KLHL6: variants seen among roughly 807,000 people sequenced by gnomAD.
KLHL6 encodes kelch like family member 6.
KLHL6 carries 41 observed loss-of-function variants against 58.6 expected under a neutral mutation model. The ratio of observed to expected loss-of-function variants is 0.70; its 90% confidence interval spans 0.55 to 0.91. KLHL6 has a LOEUF of 0.91. Among genes scored for constraint, KLHL6 ranks in the 40% least tolerant of loss-of-function variants. The pLI, the probability that KLHL6 is intolerant of heterozygous loss-of-function variation, is 0.00. For synonymous variants in KLHL6, 338 were observed against 322.7 expected (o/e 1.05, Z -0.51); for missense variants, 714 against 805.6 (o/e 0.89, Z 1.38).
intron 3 of KLHL6, among the ~76,000 whole-genome samples, chr3:183,500,954 A>G (rs1717850610): frequency 6.6e-6 from 1 of 152,218 alleles, no homozygotes. Flanking sequence ...TAGTCAGACC[A>G]GCCAACTCCC....
At chr3:183,541,740 C>T (rs1040459383) in intron 1 of KLHL6, among the ~76,000 whole-genome samples, 1 of 152,174 alleles carries the variant, frequency 6.6e-6, no homozygotes, top group Non-Finnish European at 1.5e-5. Flanking sequence ...CAGCAGTGGT[C>T]TCTATCAGAG....
Position 183,492,052 on chromosome 3 carries a change from G to C in KLHL6, c.1741C>G (p.Pro581Ala). The stretch of plus-strand genomic sequence containing the variant: ...TCCTCTGTCAGTTTCTGGGCCTCGG[G>C]GTCCCAGCACAGCACCGTGGCGATA... ...EVIATVLCWD[P>A]EAQKLTEECV... The change falls in exon 7 of 7, where the codon CCC (proline) becomes GCC (alanine). Residue 581 changes from proline to alanine, a missense_variant. By Grantham distance (27) the Pro-to-Ala change is conservative. This residue lies in a region of KLHL6 where 510 missense variants were observed against 629.7 expected (regional missense o/e 0.81). Transcript: ENST00000341319. The surrounding 1 kb of genome is among the most constrained non-coding windows in gnomAD (Gnocchi z 5.9). 1 of 1,613,986 alleles carries C rather than the reference G, an allele frequency of 6.2e-7. No homozygotes were observed. The highest frequency in any genetic ancestry group is 2.2e-5 in the East Asian group (1 of 44,878).
Position 183,492,941 on chromosome 3 carries a change from C to T in KLHL6, c.1351-234G>A, listed in dbSNP as rs1247287608. 9.7e-6 allele frequency: 5 copies of T among 517,270 alleles called. No homozygotes were observed. The highest frequency in any genetic ancestry group is 3.3e-5 in the Admixed American group (1 of 30,498). 32.0% of individuals were successfully genotyped at this position (517,270 alleles called of 1,614,324 possible). On this transcript the variant is annotated intron_variant, in intron 5 of 6. Transcript: ENST00000341319. The surrounding 1 kb of genome is among the most constrained non-coding windows in gnomAD (Gnocchi z 5.9). ...GAGCAAGCTGTGTGTTGGGATGTGCCAGCCTCTCCCGGAATCCAGCTCTCA... is the reference window on the plus strand; with the variant it reads ...GAGCAAGCTGTGTGTTGGGATGTGCTAGCCTCTCCCGGAATCCAGCTCTCA...
At chr3:183,505,371 TA>T (rs1394847434) in intron 3 of KLHL6, among the ~76,000 whole-genome samples, 1 of 152,214 alleles carries the variant, frequency 6.6e-6, no homozygotes, top group African/African-American at 2.4e-5. Flanking sequence ...CGTGCTTAAA[TA>T]CATGGGATGC....
rs1717528303 is a variant in KLHL6, at chr3:183,490,910, C to T, written c.*1017G>A. 6.6e-6 allele frequency: 1 copy of T among 152,096 alleles called. No homozygotes were observed. The highest frequency in any genetic ancestry group is 1.5e-5 in the Non-Finnish European group (1 of 68,058). The allele number at this position is 152,096 out of a possible 1,614,324, so 9.4% of individuals were successfully genotyped here. A position where few individuals can be genotyped will look rare whatever the true frequency, so the allele number is the denominator to read the frequency against. On this transcript the variant is annotated 3_prime_UTR_variant, in exon 7 of 7. Transcript: ENST00000341319. ...CCCCAGACCTTTCAAGTGGAAGAAC[C>T]TATGAGATGTTCTTGGCAAGGAGCC...
chr3:183,530,989 G>A (rs1324107983), intron 1 of KLHL6, among the ~76,000 whole-genome samples: 3 of 151,920 alleles, frequency 2.0e-5, no homozygotes, highest in South Asian at 2.1e-4. Flanking sequence ...TCGCCACCAC[G>A]CCTGGCTAAT....
At chr3:183,513,966 C>T (rs921208144) in intron 2 of KLHL6, among the ~76,000 whole-genome samples, 15 of 152,140 alleles carry the variant, frequency 9.9e-5, no homozygotes, top group African/African-American at 1.9e-4. Context: ...TGAGAACATG[C>T]GTTGTTTGGT....
chr3:183,506,765 C>A (rs1480846533), intron 3 of KLHL6, among the ~76,000 whole-genome samples: 1 of 151,622 alleles, frequency 6.6e-6, no homozygotes. Context: ...GAGGTCGAGG[C>A]TGCAGTGAGC....
chr3:183,494,320 T>C, intron 4 of KLHL6, 39 bp from the exon 5 acceptor site: 1 of 1,528,494 alleles, frequency 6.5e-7, no homozygotes, highest in South Asian at 1.1e-5. Flanking sequence ...CCATCAGATG[T>C]GTCAGAAATA....
intron 2 of KLHL6, among the ~76,000 whole-genome samples, chr3:183,526,827 G>A (rs1187098169): frequency 6.6e-6 from 1 of 152,142 alleles, no homozygotes; most frequent in Non-Finnish European, 1.5e-5. Context: ...GGCTGGGCAC[G>A]ATGGCTCATG....
intron 4 of KLHL6, among the ~76,000 whole-genome samples, chr3:183,494,605 A>G (rs2662767): frequency 0.2 from 30,150 of 152,222 alleles, 3,292 homozygotes; most frequent in Middle Eastern, 0.28. Flanking sequence ...GTGGGTAGGG[A>G]CCAGAGGGAG....
At chr3:183,498,860 C>CT (rs1334438775) in intron 4 of KLHL6, among the ~76,000 whole-genome samples, 4 of 152,324 alleles carry the variant, frequency 2.6e-5, no homozygotes, top group African/African-American at 9.6e-5. Context: ...CCCTACTGAA[C>CT]TATACCCAAG....
chr3:183,525,389 A>T (rs1354736762), intron 2 of KLHL6, among the ~76,000 whole-genome samples: 1 of 152,144 alleles, frequency 6.6e-6, no homozygotes, highest in Non-Finnish European at 1.5e-5. Flanking sequence ...AGCCCCATTT[A>T]TCCAAGGCAC....
rs1204318728 is a variant in KLHL6, at chr3:183,554,805, T to C, written c.293+556A>G. ...GGAAATATACACAAAAGGTTTACTA[T>C]AGAATGTAAGCATTGCTTTTAAATG... On this transcript the variant is annotated intron_variant, in intron 1 of 6. Transcript: ENST00000341319. Among the ~76,000 whole-genome samples, 11 of 152,356 alleles carry C rather than the reference T, an allele frequency of 7.2e-5. No individual in the cohort carries two copies. The East Asian group carries it at 1.2e-3, about 16-fold the overall frequency.
chr3:183,534,931 TAC>T (rs1471828225), intron 1 of KLHL6, among the ~76,000 whole-genome samples: 2 of 100,360 alleles, frequency 2.0e-5, no homozygotes, highest in South Asian at 3.6e-4. Flanking sequence ...TGCATATATA[TAC>T]ATATATATAT....
At chr3:183,534,125 G>GTACTTTAAAAGTACTTTACTTTTAAAT (rs1712273266) in intron 1 of KLHL6, among the ~76,000 whole-genome samples, 2 of 122,426 alleles carry the variant, frequency 1.6e-5, no homozygotes, top group African/African-American at 2.9e-5. Flanking sequence ...TACTTTTAAA[G>GTACTTTAAAAGTACTTTACTTTTAAAT]TACTTTGTAC....
intron 1 of KLHL6, among the ~76,000 whole-genome samples, chr3:183,553,168 G>C (rs997432887): frequency 6.6e-6 from 1 of 152,158 alleles, no homozygotes; most frequent in Non-Finnish European, 1.5e-5. Context: ...AGAATTGAAG[G>C]AATTTCCTCT....
At chr3:183,554,855 C>T (rs1027481855) in intron 1 of KLHL6, among the ~76,000 whole-genome samples, 1 of 152,036 alleles carries the variant, frequency 6.6e-6, no homozygotes, top group African/African-American at 2.4e-5. Context: ...TTTAATGTGG[C>T]CTAAATCCTA....
chr3:183,521,050 T>C (rs1246232428), intron 2 of KLHL6: 1 of 152,258 alleles, frequency 6.6e-6, no homozygotes, highest in Non-Finnish European at 1.5e-5. Context: ...CCCTGTGACC[T>C]TCCGCAGTGC....
Sources: gnomAD v4.1 joint callset for allele counts (sites outside exome capture counted in the v4.1 genomes callset) on GRCh38, gnomAD v4.1.1 for gene constraint, gnomAD v4.1.1 regional missense constraint, Gnocchi (gnomAD v3.1) non-coding constraint, MANE v1.5 for transcripts, NCBI Gene and HGNC (gene_info 2026-07-23, HGNC 2026-07-21) for gene names.